PTPRM: variants seen among roughly 807,000 people sequenced by gnomAD.
The protein encoded by PTPRM is receptor-type tyrosine-protein phosphatase mu.
In PTPRM, 47 loss-of-function variants were observed where a neutral mutation model predicts 186.7. The observed-to-expected ratio is 0.25, with a 90% CI of 0.20 to 0.32. PTPRM has a LOEUF of 0.32. PTPRM is among the 10% of genes least tolerant of loss of function. The pLI, the probability that PTPRM is intolerant of heterozygous loss-of-function variation, is 1.00. For synonymous variants in PTPRM, 668 were observed against 674.9 expected (o/e 0.99, Z 0.16); for missense variants, 1,494 against 1,865.0 (o/e 0.80, Z 3.66).
chr18:7,807,889 G>A (rs1419460115), intron 2 of PTPRM, among the ~76,000 whole-genome samples: 2 of 152,134 alleles, frequency 1.3e-5, no homozygotes, highest in African/African-American at 2.4e-5. Flanking sequence ...AATGGGTGTA[G>A]GTTTTGCCCC....
chr18:7,703,401 T>C (rs954370463), intron 1 of PTPRM, among the ~76,000 whole-genome samples: 3 of 152,202 alleles, frequency 2.0e-5, no homozygotes, highest in African/African-American at 7.2e-5. Flanking sequence ...CCTTGTAAGT[T>C]GGATTCTTAG....
intron 1 of PTPRM, among the ~76,000 whole-genome samples, chr18:7,758,988 A>ACTG (rs1393055323): frequency 3.3e-5 from 5 of 152,286 alleles, no homozygotes; most frequent in South Asian, 2.1e-4. Flanking sequence ...GTGATCAGGG[A>ACTG]TGTGTTTCCT....
At chr18:8,367,022 G>A (rs970852461) in intron 23 of PTPRM, 1 of 152,064 alleles carries the variant, frequency 6.6e-6, no homozygotes, top group East Asian at 1.9e-4. Context: ...CAGCATCTCT[G>A]TATGCAGACC....
chr18:8,019,793 T>C (rs2085096212), intron 7 of PTPRM, among the ~76,000 whole-genome samples: 1 of 147,016 alleles, frequency 6.8e-6, no homozygotes, highest in Admixed American at 6.8e-5. Context: ...AAACTAATAA[T>C]TTATAATATA....
At chr18:7,849,361 T>C (rs1050193296) in intron 2 of PTPRM, among the ~76,000 whole-genome samples, 2 of 152,242 alleles carry the variant, frequency 1.3e-5, no homozygotes, top group Admixed American at 1.3e-4. Flanking sequence ...TACCCTGTGC[T>C]CATTCCCTGC....
intron 1 of PTPRM, among the ~76,000 whole-genome samples, chr18:7,643,250 T>C (rs987941470): frequency 7.9e-5 from 12 of 152,194 alleles, no homozygotes; most frequent in African/African-American, 2.9e-4. Context: ...TAAAACTTTA[T>C]GTACTGACAT....
chr18:8,220,379 G>A (rs1278236622), intron 14 of PTPRM, among the ~76,000 whole-genome samples: 1 of 152,150 alleles, frequency 6.6e-6, no homozygotes, highest in Non-Finnish European at 1.5e-5. Context: ...ACATAGCACA[G>A]AACAGTCATA....
At chr18:8,244,720 T>C (rs558577260) in intron 15 of PTPRM, among the ~76,000 whole-genome samples, 1 of 152,286 alleles carries the variant, frequency 6.6e-6, no homozygotes, top group Non-Finnish European at 1.5e-5. Context: ...ATACCAGGTG[T>C]GTAAACCAAC....
At chr18:7,577,374 C>T (rs947799510) in intron 1 of PTPRM, among the ~76,000 whole-genome samples, 1 of 152,072 alleles carries the variant, frequency 6.6e-6, no homozygotes, top group Non-Finnish European at 1.5e-5. Context: ...GTAGATTTAT[C>T]ATGACTGTAC....
Position 8,101,345 on chromosome 18 carries a change from G to T in PTPRM, c.1857-12141G>T, listed in dbSNP as rs1351018541. ...AGATGTTATCTGTTCAGTACAGGAAGCCTTTTCTTATTGTTGATTTCTATA... is the reference window on the plus strand; with the variant it reads ...AGATGTTATCTGTTCAGTACAGGAATCCTTTTCTTATTGTTGATTTCTATA... On this transcript the variant is annotated intron_variant, in intron 11 of 32. Transcript: ENST00000580170. Among the ~76,000 whole-genome samples, 3 of 152,184 alleles carry T rather than the reference G, an allele frequency of 2.0e-5. No homozygotes were observed. The East Asian group carries it at 5.8e-4, about 29-fold the overall frequency.
intron 2 of PTPRM, among the ~76,000 whole-genome samples, chr18:7,841,011 G>T (rs1426659181): frequency 6.6e-6 from 1 of 152,126 alleles, no homozygotes; most frequent in Non-Finnish European, 1.5e-5. Context: ...GAAGCTATGT[G>T]CAAAAATCAG....
chr18:7,777,933 G>A (rs1219402420), intron 2 of PTPRM, among the ~76,000 whole-genome samples: 5 of 152,152 alleles, frequency 3.3e-5, no homozygotes, highest in African/African-American at 4.8e-5. Flanking sequence ...AGGATTGCTT[G>A]AGTTCAGCAG....
At chr18:8,050,839 G>T (rs2087441661) in intron 7 of PTPRM, among the ~76,000 whole-genome samples, 2 of 152,088 alleles carry the variant, frequency 1.3e-5, no homozygotes, top group Non-Finnish European at 2.9e-5. Flanking sequence ...CTGCCTGACT[G>T]CTCTCTTCCT....
chr18:8,102,174 A>G (rs2091320484), intron 11 of PTPRM, among the ~76,000 whole-genome samples: 1 of 152,216 alleles, frequency 6.6e-6, no homozygotes, highest in Non-Finnish European at 1.5e-5. Context: ...AATGAGGCAT[A>G]ATCTTTTTGC....
intron 2 of PTPRM, among the ~76,000 whole-genome samples, chr18:7,822,179 C>T (rs928646812): frequency 6.6e-6 from 1 of 152,196 alleles, no homozygotes; most frequent in East Asian, 1.9e-4. Context: ...ATGCTCAATA[C>T]TTCTTGTCCC....
At position 7,762,982 on chromosome 18, in the gene PTPRM, A is replaced by G. The variant is rs142757092; in HGVS notation, c.74-11167A>G. ...TATTTCCCTGGGAGTTAGGTGATAG[A>G]TATTACAAAGGACTCATACATTCTA... is the stretch of plus-strand genomic sequence containing the variant. On this transcript the variant is annotated intron_variant, in intron 1 of 32. Transcript: ENST00000580170. 2.1e-3 allele frequency among the ~76,000 whole-genome samples: 316 copies of G among 152,252 alleles called. 1 individual carries two copies. Among genetic ancestry groups the G allele is most frequent in the African/African-American group, 6.8e-3 (281 of 41,544 alleles).
At chr18:8,288,872 A>G (rs56918394) in intron 19 of PTPRM, among the ~76,000 whole-genome samples, 13,061 of 152,298 alleles carry the variant, frequency 0.086, 630 homozygotes, top group African/African-American at 0.12. Flanking sequence ...CAGGGTGTTC[A>G]TACTCACATC....
chr18:8,406,253 T>C lies in PTPRM; in HGVS notation c.*91T>C, dbSNP rs770933223. 229 of 1,242,214 alleles carry C rather than the reference T, an allele frequency of 1.8e-4. No homozygotes were observed. The highest frequency in any genetic ancestry group is 2.5e-4 in the Non-Finnish European group (218 of 873,502). 76.9% of individuals were successfully genotyped at this position (1,242,214 alleles called of 1,614,324 possible). A position where few individuals can be genotyped will look rare whatever the true frequency, so the allele number is the denominator to read the frequency against. ...TGCAAAAGAGATGAAGACTTCTCAA[T>C]ATGCTTATTTTGCTTTGCATAATTG... On this transcript the variant is annotated 3_prime_UTR_variant, in exon 33 of 33. Transcript: ENST00000580170.
chr18:8,168,677 A>G (rs1369178063), intron 14 of PTPRM, among the ~76,000 whole-genome samples: 1 of 152,248 alleles, frequency 6.6e-6, no homozygotes, highest in African/African-American at 2.4e-5. Context: ...TCCAACTAAA[A>G]CAATAGATAA....
Sources: allele counts gnomAD v4.1 joint callset (sites outside exome capture counted in the v4.1 genomes callset), GRCh38; gene constraint gnomAD v4.1.1; transcripts MANE v1.5; gene names NCBI Gene and HGNC (gene_info 2026-07-23, HGNC 2026-07-21).